KANK1: variants seen among roughly 807,000 people sequenced by gnomAD.
KANK1 encodes the protein KN motif and ankyrin repeat domain-containing protein 1.
Under a neutral mutation model 106.2 loss-of-function variants are expected in KANK1, and 109 were observed. The observed-to-expected ratio is 1.03, with a 90% CI of 0.88 to 1.20. KANK1 has a LOEUF of 1.20. Ranked by LOEUF, KANK1 falls within the 50% of genes most tolerant of loss-of-function variation. The pLI is 0.00. For synonymous variants in KANK1, 873 were observed against 652.2 expected (o/e 1.34, Z -5.16); for missense variants, 2,399 against 1,710.7 (o/e 1.40, Z -7.10).
At chr9:507,666 C>T (rs1167020651) in intron 1 of KANK1, among the ~76,000 whole-genome samples, 3 of 151,324 alleles carry the variant, frequency 2.0e-5, no homozygotes, top group Non-Finnish European at 4.4e-5. Context: ...AAGCGATTCT[C>T]GTGCCTCAGC....
At chr9:736,345 C>G (rs551269446) in intron 7 of KANK1, among the ~76,000 whole-genome samples, 3 of 152,288 alleles carry the variant, frequency 2.0e-5, no homozygotes, top group African/African-American at 7.2e-5. Context: ...TATTTTCACT[C>G]TGCCAGTGGT....
chr9:495,225 CCTT>C (rs2058438940), intron 3 of KANK1: 1 of 152,332 alleles, frequency 6.6e-6, no homozygotes, highest in African/African-American at 2.4e-5. Flanking sequence ...GTTTCTGCCT[CCTT>C]CTCTTTCAGC....
chr9:693,707 T>TC, intron 2 of KANK1: 2 of 985,196 alleles, frequency 2.0e-6, no homozygotes, highest in East Asian at 2.3e-4. Flanking sequence ...ATGTGTGGAG[T>TC]CCCTTTAATG....
At chr9:581,114 C>T (rs764350632) in intron 1 of KANK1, among the ~76,000 whole-genome samples, 53 of 152,136 alleles carry the variant, frequency 3.5e-4, no homozygotes, top group Admixed American at 2.0e-4. Context: ...ACTCCTGGCC[C>T]GCGAGCGTTG....
At chr9:593,062 G>A (rs1825359931) in intron 1 of KANK1, among the ~76,000 whole-genome samples, 1 of 151,778 alleles carries the variant, frequency 6.6e-6, no homozygotes, top group Non-Finnish European at 1.5e-5. Context: ...TCTAATGCTA[G>A]TAGACAATCT....
intron 1 of KANK1, among the ~76,000 whole-genome samples, chr9:642,821 C>T (rs1838784726): frequency 6.7e-6 from 1 of 149,398 alleles, no homozygotes; most frequent in Admixed American, 6.6e-5. Flanking sequence ...GTTAGTCCTT[C>T]CTTTTGGTAT....
rs375410072 is a variant in KANK1, at chr9:719,251, G to A, written c.2698+5787G>A. Reference sequence around the variant, plus strand: ...CAAAGTGCTGGGATTACAGGCGTGAGCCAGCGCGCCCGGCCTCAAGCCCTT... The same window carrying A: ...CAAAGTGCTGGGATTACAGGCGTGAACCAGCGCGCCCGGCCTCAAGCCCTT... On this transcript the variant is annotated intron_variant, in intron 3 of 11. Coordinates refer to ENST00000382297, the MANE Select transcript of KANK1 (RefSeq NM_015158.5). Among the ~76,000 whole-genome samples, 61 of 152,266 alleles carry A rather than the reference G, an allele frequency of 4.0e-4. No homozygotes were observed. The East Asian group carries it at 0.011, about 27-fold the overall frequency.
chr9:697,080 G>C (rs1483617787), intron 2 of KANK1, among the ~76,000 whole-genome samples: 3 of 13,988 alleles, frequency 2.1e-4, no homozygotes, highest in African/African-American at 3.7e-4. Flanking sequence ...TTCCATCTGT[G>C]TGTGTGTGTG....
At chr9:624,663 C>A (rs140136952) in intron 1 of KANK1, among the ~76,000 whole-genome samples, 1 of 151,812 alleles carries the variant, frequency 6.6e-6, no homozygotes, top group South Asian at 2.1e-4. Flanking sequence ...ATTAGTCGGG[C>A]GTAGTCATTC....
At chr9:515,348 A>C (rs2133015231) in intron 1 of KANK1, among the ~76,000 whole-genome samples, 1 of 151,428 alleles carries the variant, frequency 6.6e-6, no homozygotes, top group East Asian at 1.9e-4. Context: ...CCTTCTCAAA[A>C]AAAAAAAAAA....
intron 1 of KANK1, among the ~76,000 whole-genome samples, chr9:613,462 A>T (rs1831053620): frequency 6.6e-6 from 1 of 151,550 alleles, no homozygotes; most frequent in South Asian, 2.1e-4. Flanking sequence ...AAAACATGAG[A>T]TTTTTTTAAA....
intron 1 of KANK1, among the ~76,000 whole-genome samples, chr9:647,017 A>G (rs1207368068): frequency 1.3e-5 from 2 of 150,980 alleles, no homozygotes; most frequent in African/African-American, 5.0e-5. Flanking sequence ...CATTGTAAAA[A>G]TCACTTCCCT....
chr9:583,119 T>C (rs1588020659), intron 1 of KANK1, among the ~76,000 whole-genome samples: 1 of 152,128 alleles, frequency 6.6e-6, no homozygotes, highest in South Asian at 2.1e-4. Context: ...CTGGCAGAAA[T>C]GGGAGTAGTC....
chr9:472,203 C>T (rs1426148203), intron 2 of KANK1, among the ~76,000 whole-genome samples: 1 of 152,212 alleles, frequency 6.6e-6, no homozygotes, highest in Non-Finnish European at 1.5e-5. Flanking sequence ...GGGCAGTTGT[C>T]TCTTCTGAGT....
intron 2 of KANK1, among the ~76,000 whole-genome samples, chr9:691,331 A>G (rs1819854382): frequency 6.6e-6 from 1 of 151,956 alleles, no homozygotes; most frequent in Non-Finnish European, 1.5e-5. Context: ...AAGAAACACT[A>G]CATTCAGTAC....
At chr9:655,388 A>T (rs1323795207) in intron 1 of KANK1, among the ~76,000 whole-genome samples, 1 of 83,508 alleles carries the variant, frequency 1.2e-5, no homozygotes, top group African/African-American at 4.4e-5. Flanking sequence ...AAAAAAAAAA[A>T]AAATCCAAGA....
intron 3 of KANK1, among the ~76,000 whole-genome samples, chr9:720,643 A>T (rs925509167): frequency 6.6e-6 from 1 of 152,214 alleles, no homozygotes; most frequent in African/African-American, 2.4e-5. Context: ...GGCGTAAGCC[A>T]ATGCACCCAG....
intron 3 of KANK1, among the ~76,000 whole-genome samples, chr9:721,748 G>C (rs1335363076): frequency 6.6e-6 from 1 of 152,192 alleles, no homozygotes; most frequent in African/African-American, 2.4e-5. Context: ...TTCACTTCTT[G>C]TGGTAGGGCT....
intron 1 of KANK1, among the ~76,000 whole-genome samples, chr9:512,923 T>C (rs1205199829): frequency 6.6e-6 from 1 of 152,228 alleles, no homozygotes; most frequent in Non-Finnish European, 1.5e-5. Context: ...TTGTCTTCTT[T>C]TGGTTACCTT....
Sources: allele counts gnomAD v4.1 joint callset (sites outside exome capture counted in the v4.1 genomes callset), GRCh38; gene constraint gnomAD v4.1.1; transcripts MANE v1.5; gene names NCBI Gene and HGNC (gene_info 2026-07-23, HGNC 2026-07-21).